The following RGS10 variants were observed in gnomAD, a reference collection of about 807,000 sequenced individuals.
RGS10 encodes regulator of G protein signaling 10, also known as regulator of G-protein signalling 10.
RGS10 carries 11 observed loss-of-function variants against 23.5 expected under a neutral mutation model. The observed-to-expected ratio is 0.47, with a 90% CI of 0.29 to 0.77. The LOEUF (loss-of-function observed/expected upper bound fraction) is 0.77. RGS10 is among the 30% of genes least tolerant of loss of function. RGS10 has a pLI of 0.08. For synonymous variants in RGS10, 77 were observed against 83.2 expected, an observed-to-expected ratio of 0.92 and a Z score of 0.41; for missense variants, 180 against 226.3, an observed-to-expected ratio of 0.80 and a Z score of 1.31.
intron 3 of RGS10, among the ~76,000 whole-genome samples, chr10:119,518,736 T>TCG (rs1844174771): frequency 6.6e-6 from 1 of 150,958 alleles, no homozygotes; most frequent in Non-Finnish European, 1.5e-5. Flanking sequence ...AGATGGAGTC[T>TCG]CACTGTCGCC....
At chr10:119,512,546 TAAA>T (rs11446612) in intron 4 of RGS10, among the ~76,000 whole-genome samples, 3 of 150,782 alleles carry the variant, frequency 2.0e-5, no homozygotes, top group African/African-American at 7.3e-5. Context: ...TCTATGCAAT[TAAA>T]AAAAATTTTT....
Position 119,527,260 on chromosome 10 carries a change from TCTGCACACA to T in RGS10, c.168+37_168+45del. 1 of 1,405,754 alleles carries T rather than the reference TCTGCACACA, an allele frequency of 7.1e-7. No homozygotes were observed. Among genetic ancestry groups the T allele is most frequent in the Non-Finnish European group, 1.0e-6 (1 of 995,646 alleles). The allele number at this position is 1,405,754 out of a possible 1,614,324, so 87.1% of individuals were successfully genotyped here. A position where few individuals can be genotyped will look rare whatever the true frequency, so the allele number is the denominator to read the frequency against. On this transcript the variant is annotated intron_variant, in intron 2 of 4. Transcript: ENST00000369103. The surrounding 1 kb of genome is among the most constrained non-coding windows in gnomAD (Gnocchi z 4.2). ...TTTCTCCCCTGTGTGCATCTGAACT[TCTGCACACA>T]CTGCATCCATCCCGATTAACAATGA...
intron 4 of RGS10, among the ~76,000 whole-genome samples, chr10:119,510,013 T>C (rs1403820578): frequency 6.6e-6 from 1 of 152,014 alleles, no homozygotes; most frequent in Non-Finnish European, 1.5e-5. Flanking sequence ...ATACAAATGG[T>C]GAGCCACAGT....
intron 1 of RGS10, among the ~76,000 whole-genome samples, chr10:119,535,936 C>CTA (rs1285453586): frequency 6.6e-6 from 1 of 152,214 alleles, no homozygotes; most frequent in African/African-American, 2.4e-5. Context: ...CTCTTGTCAC[C>CTA]TATACCACAT....
chr10:119,537,592 G>A (rs2133961915), intron 1 of RGS10, among the ~76,000 whole-genome samples: 1 of 152,266 alleles, frequency 6.6e-6, no homozygotes, highest in South Asian at 2.1e-4. Context: ...TTGTCTGGCT[G>A]GAGAGAAAAA....
chr10:119,537,755 C>A (rs564881275), intron 1 of RGS10, among the ~76,000 whole-genome samples: 2 of 152,150 alleles, frequency 1.3e-5, no homozygotes, highest in Admixed American at 6.5e-5. Flanking sequence ...CACAAATAAA[C>A]GAGAAGGAAG....
At chr10:119,520,593 G>A (rs550851254) in intron 3 of RGS10, among the ~76,000 whole-genome samples, 16 of 152,210 alleles carry the variant, frequency 1.1e-4, no homozygotes, top group African/African-American at 2.2e-4. Context: ...AGAATGAGAC[G>A]CCGAACCGAA....
Position 119,507,711 on chromosome 10 carries a change from A to G in RGS10, c.400-7452T>C, listed in dbSNP as rs565797553. On this transcript the variant is annotated intron_variant, in intron 4 of 4. Coordinates refer to ENST00000369103, the MANE Select transcript of RGS10 (RefSeq NM_001005339.2). ...TTGATTCTCCCGACCCAGACTCCCA[A>G]GTAGCTGGGATTATAGGCACATGCA... 2.0e-5 allele frequency among the ~76,000 whole-genome samples: 3 copies of G among 151,156 alleles called. No homozygotes were observed. The Admixed American group carries it at 2.0e-4, about 10-fold the overall frequency.
Position 119,536,403 on chromosome 10 carries a change from G to A in RGS10, c.49+6187C>T, listed in dbSNP as rs914768992. The A allele has an allele frequency of 5.4e-5, 82 of 1,522,484 alleles. No homozygotes were observed. The Admixed American group carries it at 7.2e-4, about 13-fold the overall frequency. The allele number at this position is 1,522,484 out of a possible 1,614,324, so 94.3% of individuals were successfully genotyped here. A position where few individuals can be genotyped will look rare whatever the true frequency, so the allele number is the denominator to read the frequency against. ...GCACACTCTTCCCAGCCCCTGCCCC[G>A]CCCAGGGCCAAGGCGACAGGCAAAC... On this transcript the variant is annotated intron_variant, in intron 1 of 4. Transcript: ENST00000369103.
chr10:119,521,676 T>C (rs899643686), intron 3 of RGS10, among the ~76,000 whole-genome samples: 11 of 72,422 alleles, frequency 1.5e-4, no homozygotes, highest in African/African-American at 5.1e-4. Context: ...AGGGGAAAAA[T>C]AGAAAAGAAA....
Position 119,517,627 on chromosome 10 carries a change from G to A in RGS10, c.256-1975C>T, listed in dbSNP as rs116261941. 1.1e-3 allele frequency among the ~76,000 whole-genome samples: 172 copies of A among 152,320 alleles called. No individual in the cohort carries two copies. Among genetic ancestry groups the A allele is most frequent in the African/African-American group, 3.9e-3 (162 of 41,558 alleles). On this transcript the variant is annotated intron_variant, in intron 3 of 4. Transcript: ENST00000369103. This position sits in a 1 kb window ranked among gnomAD's most constrained non-coding sequence, Gnocchi z 5.0. ...GCAAACTCCATGCAGAGGTCTGGGG[G>A]CAGAAATCACTTTAGACCTCCCCTC...
rs539224377 is a variant in RGS10 at position 119,527,900 on chromosome 10, A to T, written c.50-476T>A. On this transcript the variant is annotated intron_variant, in intron 1 of 4. Transcript: ENST00000369103. This position sits in a 1 kb window ranked among gnomAD's most constrained non-coding sequence, Gnocchi z 4.2. ...TGTGTCCTCATCTTGTATCTCCAGC[A>T]CCTAGCTCATTATCTGGCACAGAGA... 3.9e-5 allele frequency among the ~76,000 whole-genome samples: 6 copies of T among 152,220 alleles called. No individual in the cohort carries two copies. The South Asian group carries it at 1.2e-3, about 32-fold the overall frequency.
At chr10:119,537,399 A>C (rs76161291) in intron 1 of RGS10, among the ~76,000 whole-genome samples, 1 of 141,550 alleles carries the variant, frequency 7.1e-6, no homozygotes, top group Admixed American at 7.1e-5. Context: ...AAAAAAAAGA[A>C]AAAGAAAAGT....
At position 119,499,994 on chromosome 10, in the gene RGS10, C is replaced by T; in HGVS notation, c.*119G>A. The T allele has an allele frequency of 1.0e-6, 1 of 966,884 alleles. No individual in the cohort carries two copies. The highest frequency in any genetic ancestry group is 1.9e-5 in the South Asian group (1 of 52,244). The allele number at this position is 966,884 out of a possible 1,614,324, so 59.9% of individuals were successfully genotyped here. A position where few individuals can be genotyped will look rare whatever the true frequency, so the allele number is the denominator to read the frequency against. On this transcript the variant is annotated 3_prime_UTR_variant, in exon 5 of 5. Coordinates refer to ENST00000369103, the MANE Select transcript of RGS10 (RefSeq NM_001005339.2). ...GAAGCAGTTAATAAAACACACATCC[C>T]ATTGAAGGGTTTTGTACATTTCAGT...
chr10:119,526,156 C>CCTG, intron 2 of RGS10, 38 bp from the exon 3 acceptor site: 1 of 1,099,490 alleles, frequency 9.1e-7, no homozygotes, highest in Non-Finnish European at 1.3e-6. Flanking sequence ...CAGTATTCTA[C>CCTG]TTTAAAAAAA....
intron 3 of RGS10, among the ~76,000 whole-genome samples, chr10:119,520,322 C>A (rs1328412071): frequency 6.6e-6 from 1 of 152,186 alleles, no homozygotes; most frequent in Non-Finnish European, 1.5e-5. Context: ...TGAAGCCAAG[C>A]CCCTGAACAG....
intron 3 of RGS10, among the ~76,000 whole-genome samples, chr10:119,519,314 G>T (rs1844182541): frequency 6.8e-6 from 1 of 147,856 alleles, no homozygotes; most frequent in Non-Finnish European, 1.5e-5. Flanking sequence ...CTGTCCCCCA[G>T]CTCCTGTCTC....
chr10:119,515,842 C>T (rs1490588733), intron 3 of RGS10, among the ~76,000 whole-genome samples, 190 bp from the exon 4 acceptor site: 1 of 152,184 alleles, frequency 6.6e-6, no homozygotes, highest in African/African-American at 2.4e-5. Flanking sequence ...CAAGCCCCTA[C>T]CCCCGCCCCT....
In RGS10 at chr10:119,500,136, C is replaced by T. The variant is rs1843935169; in HGVS notation, c.523G>A (p.Ala175Thr). 2 of 1,613,606 alleles carry T rather than the reference C, an allele frequency of 1.2e-6. No homozygotes were observed. Among genetic ancestry groups the T allele is most frequent in the South Asian group, 2.2e-5 (2 of 90,882 alleles). Residue 175 changes from alanine to threonine, a missense_variant, in exon 5 of 5, where the codon GCT (alanine) becomes ACT (threonine). Coordinates refer to ENST00000369103, the MANE Select transcript of RGS10 (RefSeq NM_001005339.2). ...GCTCATGTGTTATAAATTCTGGAAG[C>T]TCTTTTAGCTGCAGTTTGAGCATCA... is the stretch of plus-strand genomic sequence containing the variant. ...LPDAQTAAKR[A>T]SRIYNT
Sources: gnomAD v4.1 joint callset for allele counts (sites outside exome capture counted in the v4.1 genomes callset) on GRCh38, gnomAD v4.1.1 for gene constraint, Gnocchi (gnomAD v3.1) non-coding constraint, MANE v1.5 for transcripts, NCBI Gene and HGNC (gene_info 2026-07-23, HGNC 2026-07-21) for gene names.